The following TUSC3 variants were observed in gnomAD, a reference collection of about 807,000 sequenced individuals.
The protein encoded by TUSC3 is tumor suppressor candidate 3, also known as dolichyl-diphosphooligosaccharide--protein glycosyltransferase subunit TUSC3.
A neutral mutation model predicts 44.8 loss-of-function variants in TUSC3; 45 were observed. That is an observed-to-expected ratio of 1.00 (90% CI 0.79 to 1.29). TUSC3 has a LOEUF of 1.29. TUSC3 is among the 50% of genes most tolerant of loss of function. TUSC3 has a pLI of 0.00. For synonymous variants in TUSC3, 212 were observed against 152.9 expected, an observed-to-expected ratio of 1.39 and a Z score of -2.85; for missense variants, 519 against 437.9, an observed-to-expected ratio of 1.19 and a Z score of -1.65.
intron 1 of TUSC3, among the ~76,000 whole-genome samples, chr8:15,581,364 A>G (rs977430260): frequency 2.5e-4 from 37 of 150,064 alleles, no homozygotes; most frequent in Non-Finnish European, 4.1e-4. Flanking sequence ...CTGGTGAGGA[A>G]CTGCGTTCCT....
In TUSC3 at chr8:15,553,913, T is replaced by G. The variant is rs998460032; in HGVS notation, c.138+13345T>G. On this transcript the variant is annotated intron_variant, in intron 1 of 10. Coordinates refer to ENST00000503731, the MANE Select transcript of TUSC3 (RefSeq NM_006765.4). ...TTGTTACGGTTGTTCGTAGATACTT[T>G]GTTTTCCCCCATGCATATGGTAGTG... is the stretch of plus-strand genomic sequence containing the variant. 4.0e-5 allele frequency among the ~76,000 whole-genome samples: 6 copies of G among 151,784 alleles called. 1 individual carries two copies. The highest frequency in any genetic ancestry group is 1.2e-4 in the African/African-American group (5 of 41,420).
In TUSC3 at chr8:15,563,685, C is replaced by CAAAAAAAAAAAAAAAAAAA. The variant is rs150368776; in HGVS notation, c.138+23119_138+23137dup. Among the ~76,000 whole-genome samples the CAAAAAAAAAAAAAAAAAAA allele has an allele frequency of 7.0e-4, 56 of 79,952 alleles. 1 individual carries two copies. The highest frequency in any genetic ancestry group is 2.6e-3 in the African/African-American group (47 of 18,254). 52.5% of individuals were successfully genotyped at this position (79,952 alleles called of 152,430 possible). ...TGAGTGACAGAGTGAGCCTCCATCTCAAAAAAAAAAAAAAAAAAAAGAACA... is the reference window on the plus strand; with the variant it reads ...TGAGTGACAGAGTGAGCCTCCATCTCAAAAAAAAAAAAAAAAAAAAAAAAAAAAAAAAAAAAAAAGAACA... On this transcript the variant is annotated intron_variant, in intron 1 of 10. Transcript: ENST00000503731.
At chr8:15,650,984 T>TACACACAC (rs3070913) in intron 3 of TUSC3, 170 bp downstream of exon 3, 436 of 501,962 alleles carry the variant, frequency 8.7e-4, no homozygotes, top group African/African-American at 6.7e-3. Context: ...GCAAGACTTT[T>TACACACAC]ACACACACAC....
intron 1 of TUSC3, among the ~76,000 whole-genome samples, chr8:15,596,737 A>T (rs1477556608): frequency 6.6e-6 from 1 of 152,048 alleles, no homozygotes; most frequent in Non-Finnish European, 1.5e-5. Context: ...GTATTCAGAG[A>T]ATTTATGTTG....
chr8:15,760,955 T>C (rs1812146790), intron 10 of TUSC3, among the ~76,000 whole-genome samples: 1 of 152,168 alleles, frequency 6.6e-6, no homozygotes, highest in Non-Finnish European at 1.5e-5. Flanking sequence ...ATCTCAAATA[T>C]GTCACTGTAT....
the TUSC3 span, among the ~76,000 whole-genome samples, chr8:15,839,994 T>C: frequency 1.3e-5 from 2 of 152,208 alleles, no homozygotes; most frequent in South Asian, 2.1e-4. Context: ...CCATCAATGA[T>C]AGACTGGATT....
intron 1 of TUSC3, among the ~76,000 whole-genome samples, chr8:15,457,204 TAC>T (rs1800268370): frequency 6.7e-6 from 1 of 148,236 alleles, no homozygotes; most frequent in Admixed American, 6.7e-5. Context: ...CATTAGGAGA[TAC>T]ACCTAAAGTA....
chr8:15,586,818 C>T (rs1352281416), intron 1 of TUSC3, among the ~76,000 whole-genome samples: 1 of 152,072 alleles, frequency 6.6e-6, no homozygotes, highest in Non-Finnish European at 1.5e-5. Context: ...TAGTTTAATC[C>T]AGTAGTTTTC....
the TUSC3 span, among the ~76,000 whole-genome samples, chr8:15,847,634 G>C: frequency 3.3e-5 from 5 of 152,148 alleles, no homozygotes; most frequent in African/African-American, 1.2e-4. Flanking sequence ...TGTTTGGAAA[G>C]CTAACTTGTC....
intron 2 of TUSC3, among the ~76,000 whole-genome samples, chr8:15,637,939 A>G (rs1404783592): frequency 6.6e-6 from 1 of 151,150 alleles, no homozygotes; most frequent in Admixed American, 6.6e-5. Flanking sequence ...TCTCTGTTTC[A>G]CTCTATCACC....
chr8:15,503,735 G>A (rs1231383812), intron 2 of TUSC3, among the ~76,000 whole-genome samples: 2 of 152,022 alleles, frequency 1.3e-5, no homozygotes, highest in Non-Finnish European at 2.9e-5. Context: ...AGCCACAATG[G>A]CTCATGCCTG....
chr8:15,620,322 A>G (rs142703429), intron 1 of TUSC3, among the ~76,000 whole-genome samples: 1 of 152,220 alleles, frequency 6.6e-6, no homozygotes, highest in Non-Finnish European at 1.5e-5. Flanking sequence ...ATGCAAAATG[A>G]TGGGACTAAC....
intron 6 of TUSC3, among the ~76,000 whole-genome samples, chr8:15,705,846 C>T (rs991758994): frequency 1.3e-5 from 2 of 152,038 alleles, no homozygotes; most frequent in Non-Finnish European, 2.9e-5. Context: ...TCATGCTTTA[C>T]AACTTACATA....
intron 1 of TUSC3, among the ~76,000 whole-genome samples, chr8:15,467,853 C>G (rs181069175): frequency 6.6e-6 from 1 of 152,114 alleles, no homozygotes; most frequent in East Asian, 1.9e-4. Flanking sequence ...GTTTTTTATC[C>G]ACAATACCTT....
At chr8:15,826,120 TG>T in the TUSC3 span, among the ~76,000 whole-genome samples, 1 of 152,140 alleles carries the variant, frequency 6.6e-6, no homozygotes, top group African/African-American at 2.4e-5. Flanking sequence ...TGCATAAATA[TG>T]ATGCATGATT....
chr8:15,592,301 C>T (rs915659202), intron 1 of TUSC3, among the ~76,000 whole-genome samples: 2 of 152,182 alleles, frequency 1.3e-5, no homozygotes, highest in Non-Finnish European at 2.9e-5. Context: ...ATAGCAGTAA[C>T]ATCTAATGCT....
At chr8:15,469,791 A>G (rs1800461000) in intron 1 of TUSC3, among the ~76,000 whole-genome samples, 1 of 152,210 alleles carries the variant, frequency 6.6e-6, no homozygotes, top group Non-Finnish European at 1.5e-5. Context: ...ACATCCAGAT[A>G]ATGGAATATT....
At chr8:15,427,405 G>A (rs538928010) in intron 1 of TUSC3, among the ~76,000 whole-genome samples, 5 of 152,012 alleles carry the variant, frequency 3.3e-5, no homozygotes, top group African/African-American at 1.2e-4. Context: ...GGTCATAGCT[G>A]GCACCAGGGA....
the TUSC3 span, among the ~76,000 whole-genome samples, chr8:15,833,813 C>T: frequency 2.0e-5 from 3 of 149,588 alleles, no homozygotes; most frequent in East Asian, 4.0e-4. Flanking sequence ...ATATAACAAA[C>T]ATGCACATGT....
Sources: gnomAD v4.1 joint callset for allele counts (sites outside exome capture counted in the v4.1 genomes callset) on GRCh38, gnomAD v4.1.1 for gene constraint, MANE v1.5 for transcripts, NCBI Gene and HGNC (gene_info 2026-07-23, HGNC 2026-07-21) for gene names.